Variants in ATG7 observed in about 807,000 individuals in gnomAD.
ATG7 encodes ubiquitin-like modifier-activating enzyme ATG7.
In ATG7, 70 loss-of-function variants were observed where a neutral mutation model predicts 82.4. The observed-to-expected ratio is 0.85, with a 90% CI of 0.70 to 1.04. The LOEUF (loss-of-function observed/expected upper bound fraction) is 1.04, where lower values mean the gene tolerates loss of function less well. Ranked by LOEUF, ATG7 falls within the 50% of genes least tolerant of loss-of-function variation. ATG7 has a pLI of 0.00. For synonymous variants in ATG7, 287 were observed against 313.0 expected, an observed-to-expected ratio of 0.92 and a Z score of 0.88; for missense variants, 792 against 864.3, an observed-to-expected ratio of 0.92 and a Z score of 1.05.
chr3:11,386,163 G>T (rs1298602721), intron 19 of ATG7, among the ~76,000 whole-genome samples: 3 of 152,078 alleles, frequency 2.0e-5, no homozygotes, highest in African/African-American at 7.2e-5. Flanking sequence ...CCCCCACTCT[G>T]CCCGCCTTCA....
At chr3:11,486,308 G>A (rs554306383) in intron 20 of ATG7, among the ~76,000 whole-genome samples, 2 of 152,282 alleles carry the variant, frequency 1.3e-5, no homozygotes, top group South Asian at 4.2e-4. Context: ...AAGCAATTGT[G>A]AATGGGAGTT....
At chr3:11,275,734 A>G (rs1941638026) in intron 1 of ATG7, among the ~76,000 whole-genome samples, 1 of 151,990 alleles carries the variant, frequency 6.6e-6, no homozygotes, top group Non-Finnish European at 1.5e-5. Flanking sequence ...GACAATAAAT[A>G]CTGGAGGTGC....
chr3:11,485,337 G>T (rs150020330), intron 20 of ATG7, among the ~76,000 whole-genome samples: 49 of 152,246 alleles, frequency 3.2e-4, no homozygotes, highest in Non-Finnish European at 6.3e-4. Flanking sequence ...CATAAATGTC[G>T]TCTTTTGAGA....
At chr3:11,336,987 T>C (rs1377967935) in intron 11 of ATG7, among the ~76,000 whole-genome samples, 1 of 152,192 alleles carries the variant, frequency 6.6e-6, no homozygotes, top group African/African-American at 2.4e-5. Context: ...AGTATTATTT[T>C]AAATATCCTA....
intron 3 of ATG7, among the ~76,000 whole-genome samples, chr3:11,295,763 CTTTCTTTCTT>C (rs1945776216): frequency 2.6e-5 from 1 of 37,894 alleles, no homozygotes; most frequent in Non-Finnish European, 9.5e-5. Flanking sequence ...GGTTCTATTT[CTTTCTTTCTT>C]TTCTTTCTTT....
chr3:11,356,400 G>A (rs935988792), intron 14 of ATG7, among the ~76,000 whole-genome samples: 1 of 152,130 alleles, frequency 6.6e-6, no homozygotes, highest in Non-Finnish European at 1.5e-5. Context: ...ATGGTCTGGG[G>A]AAAAGCCTGG....
At chr3:11,537,334 C>G (rs1277218667) in intron 20 of ATG7, among the ~76,000 whole-genome samples, 2 of 152,118 alleles carry the variant, frequency 1.3e-5, no homozygotes, top group African/African-American at 2.4e-5. Flanking sequence ...TTTTGTAGCT[C>G]TTTCCTTGGG....
At chr3:11,286,852 G>A (rs989732768) in intron 3 of ATG7, among the ~76,000 whole-genome samples, 3 of 151,750 alleles carry the variant, frequency 2.0e-5, no homozygotes, top group Non-Finnish European at 4.4e-5. Context: ...CTATCCTCCC[G>A]CCTCAGACCC....
rs985528351 is a variant in ATG7 at position 11,362,210 on chromosome 3, T to C, written c.1684-603T>C. Among the ~76,000 whole-genome samples, 17 of 152,174 alleles carry C rather than the reference T, an allele frequency of 1.1e-4. No individual in the cohort carries two copies. The South Asian group carries it at 1.5e-3, about 13-fold the overall frequency. ...ACCTCTTAATTTGCCCAGAGTTGGATGGTTAGACTCTCTTTGGTTGAACCA... is the reference window on the plus strand; with the variant it reads ...ACCTCTTAATTTGCCCAGAGTTGGACGGTTAGACTCTCTTTGGTTGAACCA... On this transcript the variant is annotated intron_variant, in intron 16 of 20. Coordinates refer to ENST00000693202, the MANE Select transcript of ATG7 (RefSeq NM_001349232.2).
intron 5 of ATG7, 102 bp from the exon 6 acceptor site, chr3:11,306,841 G>A (rs1465660834): frequency 1.2e-6 from 1 of 818,612 alleles, no homozygotes; most frequent in Non-Finnish European, 2.0e-6. Context: ...TGTTTGCCCT[G>A]CAGAGCAATA....
At chr3:11,379,759 G>C (rs2077731771) in intron 18 of ATG7, among the ~76,000 whole-genome samples, 1 of 152,130 alleles carries the variant, frequency 6.6e-6, no homozygotes, top group Non-Finnish European at 1.5e-5. Flanking sequence ...TGTAAGCCCT[G>C]GCTCCTAATG....
At chr3:11,518,942 G>T (rs1278180761) in intron 20 of ATG7, among the ~76,000 whole-genome samples, 2 of 151,982 alleles carry the variant, frequency 1.3e-5, no homozygotes, top group African/African-American at 4.8e-5. Flanking sequence ...TTCTCTTGCA[G>T]CTCTGCAATT....
At chr3:11,443,935 A>T (rs1474662964) in intron 20 of ATG7, among the ~76,000 whole-genome samples, 1 of 152,176 alleles carries the variant, frequency 6.6e-6, no homozygotes, top group African/African-American at 2.4e-5. Context: ...CCCATCTCAT[A>T]TTTTACTTTC....
intron 20 of ATG7, among the ~76,000 whole-genome samples, chr3:11,493,978 T>C (rs2090610012): frequency 6.6e-6 from 1 of 152,114 alleles, no homozygotes; most frequent in Non-Finnish European, 1.5e-5. Flanking sequence ...TAAGGAGTAG[T>C]AGTTAGGTGA....
chr3:11,572,719 G>C, the ATG7 span, among the ~76,000 whole-genome samples: 19 of 152,106 alleles, frequency 1.2e-4, no homozygotes, highest in Non-Finnish European at 2.8e-4. Context: ...CCTCATGTTG[G>C]TCTTGGAGCT....
At chr3:11,535,431 C>T (rs150677869) in intron 20 of ATG7, among the ~76,000 whole-genome samples, 319 of 152,294 alleles carry the variant, frequency 2.1e-3, no homozygotes, top group African/African-American at 7.0e-3. Context: ...TCTTCTGCGT[C>T]GGCCCTCCCT....
At chr3:11,507,515 G>T (rs917014444) in intron 20 of ATG7, among the ~76,000 whole-genome samples, 4 of 152,120 alleles carry the variant, frequency 2.6e-5, no homozygotes, top group African/African-American at 9.7e-5. Context: ...CAATCCATAA[G>T]TATAATGTGA....
intron 11 of ATG7, among the ~76,000 whole-genome samples, chr3:11,340,408 GC>G (rs1393290338): frequency 6.6e-6 from 1 of 151,804 alleles, no homozygotes; most frequent in Non-Finnish European, 1.5e-5. Flanking sequence ...CAGGAAGATT[GC>G]TTGGGTTTGA....
At chr3:11,522,647 C>T (rs1157290001) in intron 20 of ATG7, among the ~76,000 whole-genome samples, 2 of 152,098 alleles carry the variant, frequency 1.3e-5, no homozygotes, top group Non-Finnish European at 2.9e-5. Context: ...AGAATTTAGA[C>T]TAAAATTCTA....
Sources: gnomAD v4.1 joint callset for allele counts (sites outside exome capture counted in the v4.1 genomes callset) on GRCh38, gnomAD v4.1.1 for gene constraint, MANE v1.5 for transcripts, NCBI Gene and HGNC (gene_info 2026-07-23, HGNC 2026-07-21) for gene names.